Variants in KMT2E observed in about 807,000 individuals in gnomAD.
The protein encoded by KMT2E is histone reader KMT2E.
KMT2E carries 30 observed loss-of-function variants against 184.6 expected under a neutral mutation model. That is an observed-to-expected ratio of 0.16 (90% CI 0.12 to 0.22). The LOEUF (loss-of-function observed/expected upper bound fraction) is 0.22. Among genes scored for constraint, KMT2E ranks in the 10% least tolerant of loss-of-function variants. The probability of loss-of-function intolerance (pLI) is 1.00; values close to 1 mark genes in which losing one functional copy is unlikely to be tolerated. For synonymous variants in KMT2E, 815 were observed against 776.5 expected, an observed-to-expected ratio of 1.05 and a Z score of -0.82; for missense variants, 2,023 against 2,237.4, an observed-to-expected ratio of 0.90 and a Z score of 1.93.
chr7:105,072,609 A>G lies in KMT2E; in HGVS notation c.498-1010A>G, dbSNP rs143734499. ...GATGATGTAGTTCATGGGTAGAGGT[A>G]GGGAGTGGGTAATGAAGTATTTCAC... On this transcript the variant is annotated intron_variant, in intron 6 of 26. Coordinates refer to ENST00000311117, the MANE Select transcript of KMT2E (RefSeq NM_182931.3). Among the ~76,000 whole-genome samples the G allele has an allele frequency of 2.0e-3, 312 of 152,298 alleles. 4 individuals carry two copies. Among genetic ancestry groups the G allele is most frequent in the African/African-American group, 7.1e-3 (297 of 41,566 alleles).
At chr7:105,086,426 A>C (rs979807400) in intron 13 of KMT2E, among the ~76,000 whole-genome samples, 4 of 152,086 alleles carry the variant, frequency 2.6e-5, no homozygotes, top group South Asian at 2.1e-4. Flanking sequence ...CTTTACTCCT[A>C]AGACTTTAAA....
intron 3 of KMT2E, among the ~76,000 whole-genome samples, chr7:105,057,704 G>C (rs988056437): frequency 6.6e-6 from 1 of 151,972 alleles, no homozygotes; most frequent in Non-Finnish European, 1.5e-5. Context: ...CCTCCCTTTT[G>C]GCCCCCAAAA....
intron 1 of KMT2E, among the ~76,000 whole-genome samples, chr7:105,015,903 G>A (rs897186370): frequency 2.7e-5 from 4 of 150,352 alleles, no homozygotes; most frequent in Non-Finnish European, 4.4e-5. Flanking sequence ...CAAATAAAAT[G>A]TCTCCACTTT....
intron 5 of KMT2E, among the ~76,000 whole-genome samples, chr7:105,066,396 T>C (rs1478877098): frequency 6.6e-6 from 1 of 152,192 alleles, no homozygotes. Flanking sequence ...TCAAGTTCAT[T>C]ATTCTCCAAG....
chr7:105,068,996 C>A (rs970914725), intron 6 of KMT2E, among the ~76,000 whole-genome samples: 2 of 152,120 alleles, frequency 1.3e-5, no homozygotes, highest in Admixed American at 1.3e-4. Context: ...TCAGTAGGAA[C>A]CTCTTCAAGC....
At chr7:105,046,531 G>T (rs1796111245) in intron 3 of KMT2E, among the ~76,000 whole-genome samples, 1 of 152,092 alleles carries the variant, frequency 6.6e-6, no homozygotes, top group African/African-American at 2.4e-5. Flanking sequence ...CATAATTTTT[G>T]TACATGTCTT....
intron 6 of KMT2E, among the ~76,000 whole-genome samples, chr7:105,068,485 A>T (rs917971529): frequency 3.3e-5 from 5 of 151,554 alleles, no homozygotes; most frequent in African/African-American, 1.2e-4. Context: ...ACAGGATCTC[A>T]CATTGTCGAA....
chr7:105,106,114 TTG>T, intron 19 of KMT2E, 111 bp downstream of exon 19: 1 of 1,095,456 alleles, frequency 9.1e-7, no homozygotes, highest in Admixed American at 2.5e-5. Flanking sequence ...GAGAAGCACA[TTG>T]GTGTATAGAT....
chr7:105,017,011 G>T (rs1165226405), intron 1 of KMT2E, among the ~76,000 whole-genome samples: 1 of 152,048 alleles, frequency 6.6e-6, no homozygotes, highest in African/African-American at 2.4e-5. Flanking sequence ...ATTTGTGTAG[G>T]GTTTTGGGGT....
At chr7:105,111,478 T>C (rs185675510) in intron 26 of KMT2E, among the ~76,000 whole-genome samples, 213 of 152,194 alleles carry the variant, frequency 1.4e-3, no homozygotes, top group Middle Eastern at 6.8e-3. Flanking sequence ...ATTTCAATTA[T>C]AAAATTGAAA....
At chr7:105,037,614 C>G (rs1795713161) in intron 1 of KMT2E, among the ~76,000 whole-genome samples, 2 of 152,142 alleles carry the variant, frequency 1.3e-5, no homozygotes, top group Admixed American at 1.3e-4. Context: ...CTGCCTGCCT[C>G]AGCTGCTCAA....
At chr7:105,091,026 G>A (rs1345401729) in intron 14 of KMT2E, among the ~76,000 whole-genome samples, 190 bp from the exon 15 acceptor site, 3 of 152,166 alleles carry the variant, frequency 2.0e-5, no homozygotes, top group Non-Finnish European at 2.9e-5. Flanking sequence ...TTTAAAAAGC[G>A]AAAGTATTTG....
chr7:105,064,220 G>A (rs1211381826), intron 5 of KMT2E: 1 of 283,782 alleles, frequency 3.5e-6, no homozygotes, highest in Non-Finnish European at 6.5e-6. Flanking sequence ...TGGGGAGGAT[G>A]AAGAGGGAAC....
rs878969218 is a variant in KMT2E, at chr7:105,113,974, G to C, written c.*641G>C. On this transcript the variant is annotated 3_prime_UTR_variant, in exon 27 of 27. Transcript: ENST00000311117. Reference sequence around the variant, plus strand: ...GCAAAACTGTGTGATCTTTGTGAAAGTAGTACAGTATATGACCTTTAATTT... The same window carrying C: ...GCAAAACTGTGTGATCTTTGTGAAACTAGTACAGTATATGACCTTTAATTT... The C allele has an allele frequency of 6.5e-6, 1 of 153,012 alleles. No individual in the cohort carries two copies. 9.5% of individuals were successfully genotyped at this position (153,012 alleles called of 1,614,324 possible).
rs181649874 is a variant in KMT2E, at chr7:105,091,104, G to A, written c.1624-112G>A. ...TTAAATTTCTTAAATAATTTAAATA[G>A]GCTGTGTACATGTTGAATTTGTTGT... is the stretch of plus-strand genomic sequence containing the variant. On this transcript the variant is annotated intron_variant, in intron 14 of 26. Transcript: ENST00000311117. The A allele has an allele frequency of 2.7e-5, 15 of 551,312 alleles. No homozygotes were observed. In the African/African-American group the frequency reaches 2.9e-4, roughly 10 times the overall value. 34.2% of individuals were successfully genotyped at this position (551,312 alleles called of 1,614,324 possible). A position where few individuals can be genotyped will look rare whatever the true frequency, so the allele number is the denominator to read the frequency against.
chr7:105,033,726 C>G (rs998525841), intron 1 of KMT2E, among the ~76,000 whole-genome samples: 3 of 152,086 alleles, frequency 2.0e-5, no homozygotes, highest in Admixed American at 6.6e-5. Flanking sequence ...GTCTCGATCT[C>G]CTGACCTCGT....
In KMT2E at chr7:105,078,939, G is replaced by A. The variant is rs1255063775; in HGVS notation, c.1224G>A (p.Arg408=). The A allele has an allele frequency of 1.4e-5, 22 of 1,608,228 alleles. No homozygotes were observed. The highest frequency in any genetic ancestry group is 3.3e-5 in the Admixed American group (2 of 59,954). The change falls in exon 12 of 27, where the codon AGG becomes AGA. Residue 408 remains arginine (R), a synonymous_variant. Coordinates refer to ENST00000311117, the MANE Select transcript of KMT2E (RefSeq NM_182931.3). ...RTFGNEARFI[R]RSCTPNAEVR... Reference sequence around the variant, plus strand: ...TTGGGAATGAGGCTCGATTCATCAGGCGGTCTTGTACACCCAATGCAGAGG... The same window carrying A: ...TTGGGAATGAGGCTCGATTCATCAGACGGTCTTGTACACCCAATGCAGAGG...
At chr7:105,051,427 C>T (rs969931104) in intron 3 of KMT2E, among the ~76,000 whole-genome samples, 1 of 151,974 alleles carries the variant, frequency 6.6e-6, no homozygotes, top group Non-Finnish European at 1.5e-5. Context: ...TCAGGTGATA[C>T]GCCCGCCTCG....
intron 1 of KMT2E, among the ~76,000 whole-genome samples, chr7:105,016,201 C>G (rs999360415): frequency 6.6e-6 from 1 of 152,172 alleles, no homozygotes. Flanking sequence ...GGGAGCTGTA[C>G]AAACAAGCTT....
Sources: gnomAD v4.1 joint callset for allele counts (sites outside exome capture counted in the v4.1 genomes callset) on GRCh38, gnomAD v4.1.1 for gene constraint, MANE v1.5 for transcripts, NCBI Gene and HGNC (gene_info 2026-07-23, HGNC 2026-07-21) for gene names.